Variants in DIAPH3 observed in about 807,000 individuals in gnomAD.
DIAPH3 encodes the protein diaphanous related formin 3, also known as protein diaphanous homolog 3.
Under a neutral mutation model 144.3 loss-of-function variants are expected in DIAPH3, and 117 were observed. That is an observed-to-expected ratio of 0.81 (90% CI 0.70 to 0.95). The LOEUF (loss-of-function observed/expected upper bound fraction) is 0.95. Ranked by LOEUF, DIAPH3 falls within the 40% of genes least tolerant of loss-of-function variation. The probability of loss-of-function intolerance (pLI) is 0.00; values close to 1 mark genes in which losing one functional copy is unlikely to be tolerated. For missense variants in DIAPH3, 1,421 were observed against 1,412.7 expected (o/e 1.01, Z -0.09); for synonymous variants, 519 against 488.9 (o/e 1.06, Z -0.81).
intron 5 of DIAPH3, among the ~76,000 whole-genome samples, chr13:60,034,965 A>AT (rs533311051): frequency 1.3e-5 from 2 of 152,130 alleles, no homozygotes; most frequent in East Asian, 3.9e-4. Flanking sequence ...TGTTAACAGA[A>AT]TTTTTTTTAA....
chr13:60,090,177 C>T (rs1423786057), intron 4 of DIAPH3, among the ~76,000 whole-genome samples: 5 of 152,056 alleles, frequency 3.3e-5, no homozygotes, highest in Non-Finnish European at 7.4e-5. Context: ...CAGAGTGTAC[C>T]GGACAAACCT....
chr13:59,685,055 C>T (rs2033144438), intron 27 of DIAPH3, among the ~76,000 whole-genome samples: 1 of 151,998 alleles, frequency 6.6e-6, no homozygotes, highest in African/African-American at 2.4e-5. Context: ...AACAGCAATA[C>T]ACTTAATATG....
At chr13:60,141,455 T>C (rs528448876) in intron 1 of DIAPH3, among the ~76,000 whole-genome samples, 2 of 152,304 alleles carry the variant, frequency 1.3e-5, no homozygotes, top group Non-Finnish European at 2.9e-5. Context: ...AGGTATTCAA[T>C]GGTGATTGGA....
chr13:60,091,720 AC>A (rs2057940038), intron 4 of DIAPH3, among the ~76,000 whole-genome samples: 1 of 152,358 alleles, frequency 6.6e-6, no homozygotes, highest in African/African-American at 2.4e-5. Flanking sequence ...AATAACAAGA[AC>A]AAAAAACAAA....
chr13:59,842,418 T>C (rs976434682), intron 22 of DIAPH3, among the ~76,000 whole-genome samples: 3 of 152,146 alleles, frequency 2.0e-5, no homozygotes, highest in African/African-American at 4.8e-5. Context: ...CATAGATTGT[T>C]TGATTTTTTC....
At chr13:59,897,650 A>C (rs2046190357) in intron 20 of DIAPH3, among the ~76,000 whole-genome samples, 1 of 151,986 alleles carries the variant, frequency 6.6e-6, no homozygotes, top group South Asian at 2.1e-4. Flanking sequence ...CGTGAGGCTG[A>C]GGCAAGAGAA....
Position 59,953,129 on chromosome 13 carries a change from T to C in DIAPH3, c.2074+16815A>G, listed in dbSNP as rs115701097. The stretch of plus-strand genomic sequence containing the variant: ...TTGGGAGTTGAGCATGGGAACCTCA[T>C]TGAGAAAGCGACATTTGAGTTAAGA... On this transcript the variant is annotated intron_variant, in intron 17 of 27. Transcript: ENST00000400324. Among the ~76,000 whole-genome samples the C allele has an allele frequency of 9.8e-3, 1,489 of 152,168 alleles. 25 individuals carry two copies. Among genetic ancestry groups the C allele is most frequent in the African/African-American group, 0.033 (1,386 of 41,500 alleles).
chr13:60,036,639 C>T (rs1473725613), intron 5 of DIAPH3, among the ~76,000 whole-genome samples: 3 of 152,058 alleles, frequency 2.0e-5, no homozygotes, highest in Non-Finnish European at 4.4e-5. Context: ...CCACCTGCCC[C>T]TTTCAGAAAT....
rs181801951 is a variant in DIAPH3, at chr13:60,043,675, A to G, written c.496-855T>C. 2.0e-5 allele frequency among the ~76,000 whole-genome samples: 3 copies of G among 152,334 alleles called. No homozygotes were observed. The East Asian group carries it at 5.8e-4, about 29-fold the overall frequency. On this transcript the variant is annotated intron_variant, in intron 4 of 27. Coordinates refer to ENST00000400324, the MANE Select transcript of DIAPH3 (RefSeq NM_001042517.2). Reference sequence around the variant, plus strand: ...AGAGTTCACTCATTATTCAACAAACATTAAGTACCTACTAAATACTGGGCA... The same window carrying G: ...AGAGTTCACTCATTATTCAACAAACGTTAAGTACCTACTAAATACTGGGCA...
intron 25 of DIAPH3, among the ~76,000 whole-genome samples, chr13:59,780,279 T>G (rs1231268012): frequency 6.6e-6 from 1 of 151,996 alleles, no homozygotes; most frequent in Admixed American, 6.6e-5. Context: ...TAAGCAGGAG[T>G]TACTCATGTT....
At chr13:59,843,407 T>C (rs2042449167) in intron 22 of DIAPH3, among the ~76,000 whole-genome samples, 1 of 152,080 alleles carries the variant, frequency 6.6e-6, no homozygotes, top group African/African-American at 2.4e-5. Flanking sequence ...CTCAGCTAGG[T>C]GGGAGAGGGA....
rs146868617 is a variant in DIAPH3 at position 59,917,256 on chromosome 13, T to C, written c.2171-1007A>G. 3.7e-3 allele frequency among the ~76,000 whole-genome samples: 569 copies of C among 152,234 alleles called. 3 individuals carry two copies. Among genetic ancestry groups the C allele is most frequent in the African/African-American group, 0.012 (503 of 41,544 alleles). On this transcript the variant is annotated intron_variant, in intron 18 of 27. Transcript: ENST00000400324. Reference sequence around the variant, plus strand: ...GTTGAATCTAAAGATACAGAAACCATGGATATAAAAGCAGAATATAAGGAA... The same window carrying C: ...GTTGAATCTAAAGATACAGAAACCACGGATATAAAAGCAGAATATAAGGAA...
At chr13:60,155,682 A>G (rs1237089895) in intron 1 of DIAPH3, among the ~76,000 whole-genome samples, 12 of 152,222 alleles carry the variant, frequency 7.9e-5, no homozygotes, top group Admixed American at 7.8e-4. Flanking sequence ...TGACAGTTTA[A>G]CCCTAGGACA....
intron 17 of DIAPH3, among the ~76,000 whole-genome samples, chr13:59,950,597 G>A (rs1454364100): frequency 1.3e-5 from 2 of 152,080 alleles, no homozygotes; most frequent in East Asian, 3.9e-4. Context: ...GCCAATCTGA[G>A]AAGTCATAGA....
chr13:60,147,316 T>C (rs980930768), intron 1 of DIAPH3: 4 of 151,594 alleles, frequency 2.6e-5, no homozygotes, highest in African/African-American at 2.4e-5. Flanking sequence ...GGTTCTTAAG[T>C]ATAGGAGATT....
chr13:60,160,865 T>G (rs916302255), intron 1 of DIAPH3, among the ~76,000 whole-genome samples: 2 of 152,266 alleles, frequency 1.3e-5, no homozygotes, highest in African/African-American at 4.8e-5. Flanking sequence ...TAATTTCTAC[T>G]ATTTATACTT....
intron 2 of DIAPH3, among the ~76,000 whole-genome samples, chr13:60,121,742 C>T (rs766980500): frequency 6.6e-6 from 1 of 152,074 alleles, no homozygotes; most frequent in South Asian, 2.1e-4. Flanking sequence ...ATGAATGGAC[C>T]TGAATAGTGA....
chr13:59,914,356 C>A (rs975110471), intron 19 of DIAPH3, among the ~76,000 whole-genome samples: 2 of 152,154 alleles, frequency 1.3e-5, no homozygotes, highest in Non-Finnish European at 2.9e-5. Flanking sequence ...TATATTAAAA[C>A]CTTATATATG....
At chr13:59,883,066 G>A (rs1339454089) in intron 20 of DIAPH3, among the ~76,000 whole-genome samples, 1 of 152,062 alleles carries the variant, frequency 6.6e-6, no homozygotes, top group Non-Finnish European at 1.5e-5. Context: ...AGGGAACAAC[G>A]TAAAAAGACC....
Sources: gnomAD v4.1 joint callset for allele counts (sites outside exome capture counted in the v4.1 genomes callset) on GRCh38, gnomAD v4.1.1 for gene constraint, MANE v1.5 for transcripts, NCBI Gene and HGNC (gene_info 2026-07-23, HGNC 2026-07-21) for gene names.